The following KCNIP4 variants were observed in gnomAD, a reference collection of about 807,000 sequenced individuals.
The protein encoded by KCNIP4 is Kv channel-interacting protein 4.
In KCNIP4, 12 loss-of-function variants were observed where a neutral mutation model predicts 34.0. The observed-to-expected ratio is 0.35, with a 90% CI of 0.23 to 0.57. KCNIP4 has a LOEUF of 0.57. KCNIP4 is among the 20% of genes least tolerant of loss of function. The pLI is 0.83. For synonymous variants in KCNIP4, 124 were observed against 102.2 expected, an observed-to-expected ratio of 1.21 and a Z score of -1.29; for missense variants, 238 against 311.7, an observed-to-expected ratio of 0.76 and a Z score of 1.78.
At chr4:21,796,613 GA>G (rs563774049) in intron 1 of KCNIP4, among the ~76,000 whole-genome samples, 53 of 152,294 alleles carry the variant, frequency 3.5e-4, no homozygotes, top group African/African-American at 1.3e-3. Flanking sequence ...CTAATCTTAA[GA>G]AAGGAGGTAG....
intron 1 of KCNIP4, among the ~76,000 whole-genome samples, chr4:21,622,268 T>G (rs2109179726): frequency 6.6e-6 from 1 of 152,278 alleles, no homozygotes; most frequent in South Asian, 2.1e-4. Flanking sequence ...GTTCCTTATT[T>G]GATCTCTGGG....
chr4:20,964,233 CAG>C (rs1043622785), intron 1 of KCNIP4, among the ~76,000 whole-genome samples: 22 of 152,206 alleles, frequency 1.4e-4, no homozygotes, highest in African/African-American at 5.1e-4. Context: ...TGAGAGAACA[CAG>C]AATGTGTAAA....
At chr4:20,744,955 T>A (rs1413934359) in intron 5 of KCNIP4, among the ~76,000 whole-genome samples, 3 of 152,108 alleles carry the variant, frequency 2.0e-5, no homozygotes, top group Non-Finnish European at 4.4e-5. Flanking sequence ...GGAAGCACAT[T>A]TTATCCCTTT....
chr4:21,004,115 T>C (rs1003047127), intron 1 of KCNIP4, among the ~76,000 whole-genome samples: 1 of 152,104 alleles, frequency 6.6e-6, no homozygotes, highest in Non-Finnish European at 1.5e-5. Context: ...GGCTATAGTA[T>C]GGATTTAAGG....
intron 1 of KCNIP4, among the ~76,000 whole-genome samples, chr4:21,282,240 A>T (rs549124924): frequency 6.6e-6 from 1 of 152,312 alleles, no homozygotes; most frequent in East Asian, 1.9e-4. Flanking sequence ...TCTTACGTTA[A>T]TTCATTTAAC....
chr4:21,306,017 G>A (rs2109258119), intron 1 of KCNIP4, among the ~76,000 whole-genome samples: 1 of 152,308 alleles, frequency 6.6e-6, no homozygotes, highest in East Asian at 1.9e-4. Flanking sequence ...TGCCTCCATG[G>A]AGGGCACTTC....
chr4:20,901,972 A>G (rs940599568), intron 1 of KCNIP4, among the ~76,000 whole-genome samples: 2 of 151,944 alleles, frequency 1.3e-5, no homozygotes, highest in African/African-American at 4.8e-5. Context: ...ACTATCATAG[A>G]GACCTGCTTT....
chr4:21,249,803 A>G (rs1327534639), intron 1 of KCNIP4, among the ~76,000 whole-genome samples: 1 of 152,170 alleles, frequency 6.6e-6, no homozygotes, highest in Non-Finnish European at 1.5e-5. Context: ...TTGGCGATGA[A>G]TATGTGCCAG....
chr4:20,903,820 G>A (rs1009790277), intron 1 of KCNIP4, among the ~76,000 whole-genome samples: 9 of 151,926 alleles, frequency 5.9e-5, no homozygotes, highest in African/African-American at 9.7e-5. Context: ...TCTTTTCATC[G>A]GCAGAAATTA....
At chr4:20,858,464 A>C (rs78000072) in intron 2 of KCNIP4, among the ~76,000 whole-genome samples, 1 of 152,250 alleles carries the variant, frequency 6.6e-6, no homozygotes, top group African/African-American at 2.4e-5. Context: ...ACACTGATAA[A>C]AGCAGGTCTT....
chr4:21,847,035 T>C (rs1469598551), intron 1 of KCNIP4: 2 of 152,072 alleles, frequency 1.3e-5, no homozygotes, highest in African/African-American at 4.8e-5. Context: ...TATTCACAAT[T>C]CTCTTTATAG....
chr4:21,586,315 C>A (rs1741603880), intron 1 of KCNIP4, among the ~76,000 whole-genome samples: 2 of 151,906 alleles, frequency 1.3e-5, no homozygotes, highest in Non-Finnish European at 2.9e-5. Context: ...CTCTACATAT[C>A]CAGAGTCTGG....
chr4:21,218,745 C>T (rs2108994500), intron 1 of KCNIP4, among the ~76,000 whole-genome samples: 1 of 152,292 alleles, frequency 6.6e-6, no homozygotes, highest in South Asian at 2.1e-4. Context: ...AAGCTATGGG[C>T]TCATCCAGCA....
chr4:21,654,497 G>GTT lies in KCNIP4; in HGVS notation c.61+294072_61+294073dup, dbSNP rs74402567. On this transcript the variant is annotated intron_variant, in intron 1 of 8. Coordinates refer to ENST00000382152, the MANE Select transcript of KCNIP4 (RefSeq NM_025221.6). Reference sequence around the variant, plus strand: ...TGCTAACAAATACCTTGATTAAAATGTTTTTTTTTTTTATCTAAAGATACC... The same window carrying GTT: ...TGCTAACAAATACCTTGATTAAAATGTTTTTTTTTTTTTTATCTAAAGATACC... Among the ~76,000 whole-genome samples the GTT allele has an allele frequency of 8.7e-3, 1,256 of 144,436 alleles. 17 individuals are homozygous for GTT. Among genetic ancestry groups the GTT allele is most frequent in the African/African-American group, 0.03 (1,180 of 39,170 alleles). The allele number at this position is 144,436 out of a possible 152,430, so 94.8% of individuals were successfully genotyped here. A position where few individuals can be genotyped will look rare whatever the true frequency, so the allele number is the denominator to read the frequency against.
chr4:21,532,742 C>T (rs1373812810), intron 1 of KCNIP4, among the ~76,000 whole-genome samples: 3 of 152,038 alleles, frequency 2.0e-5, no homozygotes, highest in African/African-American at 7.2e-5. Flanking sequence ...TTATTATTTT[C>T]CCAGTGGCTG....
chr4:21,795,254 G>A lies in KCNIP4; in HGVS notation c.61+153317C>T, dbSNP rs199643877. 1.1e-4 allele frequency among the ~76,000 whole-genome samples: 17 copies of A among 152,284 alleles called. No individual in the cohort carries two copies. In the East Asian group the frequency reaches 2.9e-3, roughly 26 times the overall value. Reference sequence around the variant, plus strand: ...TGCACACAGAAGAAAGGCAGTGTGAGGATGTGGTGAGGAGCGTAGTCAAAA... The same window carrying A: ...TGCACACAGAAGAAAGGCAGTGTGAAGATGTGGTGAGGAGCGTAGTCAAAA... On this transcript the variant is annotated intron_variant, in intron 1 of 8. Coordinates refer to ENST00000382152, the MANE Select transcript of KCNIP4 (RefSeq NM_025221.6).
intron 1 of KCNIP4, among the ~76,000 whole-genome samples, chr4:21,569,754 C>G (rs570463441): frequency 3.9e-5 from 6 of 152,062 alleles, no homozygotes; most frequent in African/African-American, 1.4e-4. Context: ...CAGAGCTCAA[C>G]AGCTTTAGGA....
At chr4:21,905,495 G>A (rs574464342) in intron 1 of KCNIP4, among the ~76,000 whole-genome samples, 1 of 152,076 alleles carries the variant, frequency 6.6e-6, no homozygotes, top group Admixed American at 6.6e-5. Flanking sequence ...ATGTTGGTGT[G>A]GCACATATAC....
chr4:20,981,685 A>G (rs1736084112), intron 1 of KCNIP4, among the ~76,000 whole-genome samples: 1 of 152,210 alleles, frequency 6.6e-6, no homozygotes, highest in African/African-American at 2.4e-5. Flanking sequence ...TTTCAGAGGA[A>G]AAAGGGACTG....
Sources: gnomAD v4.1 joint callset for allele counts (sites outside exome capture counted in the v4.1 genomes callset) on GRCh38, gnomAD v4.1.1 for gene constraint, MANE v1.5 for transcripts, NCBI Gene and HGNC (gene_info 2026-07-23, HGNC 2026-07-21) for gene names.